PPP1R14C: variants seen among roughly 807,000 people sequenced by gnomAD.
The protein encoded by PPP1R14C is protein phosphatase 1 regulatory inhibitor subunit 14C.
Under a neutral mutation model 20.4 loss-of-function variants are expected in PPP1R14C, and 16 were observed. The ratio of observed to expected loss-of-function variants is 0.78; its 90% CI spans 0.53 to 1.19. The LOEUF is 1.19. PPP1R14C is among the 50% of genes most tolerant of loss of function. The pLI is 0.00. For missense variants in PPP1R14C, 211 were observed against 220.1 expected, an observed-to-expected ratio of 0.96 and a Z score of 0.26; for synonymous variants, 91 against 91.0, an observed-to-expected ratio of 1.00 and a Z score of 0.00.
intron 1 of PPP1R14C, among the ~76,000 whole-genome samples, chr6:150,159,016 G>A (rs188515576): frequency 2.0e-5 from 3 of 152,118 alleles, no homozygotes; most frequent in Non-Finnish European, 4.4e-5. Context: ...TTCATTTTTG[G>A]GGGGGCAGGA....
intron 1 of PPP1R14C, among the ~76,000 whole-genome samples, chr6:150,157,796 T>A (rs1450760950): frequency 6.6e-6 from 1 of 152,220 alleles, no homozygotes; most frequent in African/African-American, 2.4e-5. Flanking sequence ...TCACTCACTG[T>A]AGTGAGAACT....
chr6:150,173,644 T>G (rs1303849775), intron 1 of PPP1R14C, among the ~76,000 whole-genome samples: 1 of 152,220 alleles, frequency 6.6e-6, no homozygotes, highest in Non-Finnish European at 1.5e-5. Flanking sequence ...TAACTCTGTT[T>G]AATACCTGAG....
intron 1 of PPP1R14C, among the ~76,000 whole-genome samples, chr6:150,177,397 G>A (rs1777574515): frequency 6.6e-6 from 1 of 152,208 alleles, no homozygotes; most frequent in African/African-American, 2.4e-5. Flanking sequence ...TATCTTGGTA[G>A]ATAAGAAGTG....
intron 1 of PPP1R14C, among the ~76,000 whole-genome samples, chr6:150,206,901 G>A (rs889538222): frequency 2.0e-5 from 3 of 150,176 alleles, no homozygotes; most frequent in African/African-American, 7.4e-5. Context: ...GTCTCGCTCT[G>A]TTGTCCGGGC....
intron 1 of PPP1R14C, among the ~76,000 whole-genome samples, chr6:150,153,574 G>T (rs1184751757): frequency 6.6e-6 from 1 of 152,200 alleles, no homozygotes; most frequent in Non-Finnish European, 1.5e-5. Flanking sequence ...ATAAGACTTG[G>T]AGCAACAGGC....
At chr6:150,164,856 T>A (rs1294288071) in intron 1 of PPP1R14C, among the ~76,000 whole-genome samples, 1 of 152,214 alleles carries the variant, frequency 6.6e-6, no homozygotes, top group African/African-American at 2.4e-5. Context: ...GAGGGGCCTT[T>A]CGGAGGTGAT....
Position 150,185,099 on chromosome 6 carries a change from T to C in PPP1R14C, c.307-29645T>C, listed in dbSNP as rs577863602. 6.6e-6 allele frequency among the ~76,000 whole-genome samples: 1 copy of C among 152,298 alleles called. No homozygotes were observed. The highest frequency in any genetic ancestry group is 2.4e-5 in the African/African-American group (1 of 41,562). ...TTTAATTTCCGGCTGTTATTAACTA[T>C]CCTCTATTTCTGATGTAGTAGCATT... On this transcript the variant is annotated intron_variant, in intron 1 of 3. Transcript: ENST00000361131. This position sits in a 1 kb window ranked among gnomAD's most constrained non-coding sequence, Gnocchi z 4.1.
At chr6:150,161,595 G>A (rs113886449) in intron 1 of PPP1R14C, among the ~76,000 whole-genome samples, 5 of 152,254 alleles carry the variant, frequency 3.3e-5, no homozygotes, top group East Asian at 1.9e-4. Context: ...CCCACCATCC[G>A]TATCCATTCC....
At chr6:150,151,147 T>TCTG (rs1777242794) in intron 1 of PPP1R14C, among the ~76,000 whole-genome samples, 1 of 152,168 alleles carries the variant, frequency 6.6e-6, no homozygotes, top group African/African-American at 2.4e-5. Flanking sequence ...GACTCTGTAT[T>TCTG]TTTAGCCCTG....
At chr6:150,154,778 A>G (rs1395187664) in intron 1 of PPP1R14C, among the ~76,000 whole-genome samples, 1 of 152,160 alleles carries the variant, frequency 6.6e-6, no homozygotes, top group East Asian at 1.9e-4. Flanking sequence ...CGTAAGGATT[A>G]GATTAATAAC....
In PPP1R14C at chr6:150,183,944, C is replaced by T. The variant is rs563745215; in HGVS notation, c.307-30800C>T. Among the ~76,000 whole-genome samples, 54 of 152,314 alleles carry T rather than the reference C, an allele frequency of 3.5e-4. 3 individuals are homozygous for T. In the South Asian group the frequency reaches 5.0e-3, roughly 14 times the overall value. ...ACAGCAGAGACTTGCTATGGTGTAA[C>T]GCTTACTTTCCGACAGTTCACATAT... On this transcript the variant is annotated intron_variant, in intron 1 of 3. Transcript: ENST00000361131.
chr6:150,224,472 T>C (rs1778206291), intron 3 of PPP1R14C, among the ~76,000 whole-genome samples: 1 of 152,232 alleles, frequency 6.6e-6, no homozygotes, highest in African/African-American at 2.4e-5. Flanking sequence ...TATCTTCCTA[T>C]CTATGAACAT....
chr6:150,236,012 G>A (rs1778355294), intron 3 of PPP1R14C, among the ~76,000 whole-genome samples: 1 of 152,066 alleles, frequency 6.6e-6, no homozygotes, highest in Non-Finnish European at 1.5e-5. Context: ...TACCTAACCC[G>A]GTTGCTTAAT....
At chr6:150,243,696 A>G (rs1253643774) in intron 3 of PPP1R14C, among the ~76,000 whole-genome samples, 1 of 152,224 alleles carries the variant, frequency 6.6e-6, no homozygotes, top group Non-Finnish European at 1.5e-5. Flanking sequence ...AAATGGAAGC[A>G]TATTCCATAC....
intron 1 of PPP1R14C, among the ~76,000 whole-genome samples, chr6:150,146,037 G>A (rs1302965847): frequency 2.0e-5 from 3 of 152,200 alleles, no homozygotes; most frequent in Non-Finnish European, 4.4e-5. Flanking sequence ...TTTTCTGGAA[G>A]TGTGCAGTGA....
At chr6:150,217,370 A>C (rs1295213603) in intron 3 of PPP1R14C, among the ~76,000 whole-genome samples, 2 of 151,676 alleles carry the variant, frequency 1.3e-5, no homozygotes, top group Non-Finnish European at 2.9e-5. Flanking sequence ...TAATTTTTGT[A>C]TTTTTAGTAG....
intron 3 of PPP1R14C, among the ~76,000 whole-genome samples, chr6:150,241,922 C>T (rs1034578608): frequency 6.6e-6 from 1 of 152,072 alleles, no homozygotes; most frequent in African/African-American, 2.4e-5. Flanking sequence ...TGAATTGAAT[C>T]GTAGGACACT....
At chr6:150,205,285 C>G (rs1330585382) in intron 1 of PPP1R14C, among the ~76,000 whole-genome samples, 1 of 152,184 alleles carries the variant, frequency 6.6e-6, no homozygotes, top group Non-Finnish European at 1.5e-5. Flanking sequence ...AGCAGCCTCA[C>G]TGAACTTCTG....
In PPP1R14C at chr6:150,152,145, A is replaced by AAT. The variant is rs1554217033; in HGVS notation, c.306+8648_306+8649insTA. Among the ~76,000 whole-genome samples, 8 of 77,338 alleles carry AAT rather than the reference A, an allele frequency of 1.0e-4. No homozygotes were observed. In the South Asian group the frequency reaches 2.9e-3, roughly 28 times the overall value. 50.7% of individuals were successfully genotyped at this position (77,338 alleles called of 152,430 possible). On this transcript the variant is annotated intron_variant, in intron 1 of 3. Transcript: ENST00000361131. Reference sequence around the variant, plus strand: ...AAAAAAAAAAAAAAAAAAAAAAAAAAAAGAAGTGCTGATTGCAAACCTTGT... The same window carrying AAT: ...AAAAAAAAAAAAAAAAAAAAAAAAAAATAAGAAGTGCTGATTGCAAACCTTGT...
Sources: gnomAD v4.1 joint callset for allele counts (sites outside exome capture counted in the v4.1 genomes callset) on GRCh38, gnomAD v4.1.1 for gene constraint, Gnocchi (gnomAD v3.1) non-coding constraint, MANE v1.5 for transcripts, NCBI Gene and HGNC (gene_info 2026-07-23, HGNC 2026-07-21) for gene names.